Variants in GALNT13 observed in about 807,000 individuals in gnomAD.
GALNT13 encodes the protein polypeptide N-acetylgalactosaminyltransferase 13.
Under a neutral mutation model 64.2 loss-of-function variants are expected in GALNT13, and 28 were observed. The ratio of observed to expected loss-of-function variants is 0.44; its 90% CI spans 0.32 to 0.60. The LOEUF (loss-of-function observed/expected upper bound fraction) is 0.60, where lower values mean the gene tolerates loss of function less well. Among genes scored for constraint, GALNT13 ranks in the 20% least tolerant of loss-of-function variants. The pLI is 0.05. For synonymous variants in GALNT13, 214 were observed against 224.6 expected, an observed-to-expected ratio of 0.95 and a Z score of 0.42; for missense variants, 577 against 669.8, an observed-to-expected ratio of 0.86 and a Z score of 1.53.
At chr2:154,356,870 T>C (rs1696780476) in intron 9 of GALNT13, among the ~76,000 whole-genome samples, 1 of 152,028 alleles carries the variant, frequency 6.6e-6, no homozygotes, top group Admixed American at 6.6e-5. Flanking sequence ...AACCATGTAC[T>C]ACCTATAGTT....
At chr2:153,415,060 C>A in the GALNT13 span, among the ~76,000 whole-genome samples, 1 of 151,952 alleles carries the variant, frequency 6.6e-6, no homozygotes, top group African/African-American at 2.4e-5. Flanking sequence ...ATTATTTAGT[C>A]TTGGTTTCTT....
the GALNT13 span, among the ~76,000 whole-genome samples, chr2:153,181,699 A>T: frequency 6.9e-6 from 1 of 145,760 alleles, no homozygotes; most frequent in Non-Finnish European, 1.5e-5. Flanking sequence ...ATATAATTAT[A>T]TTACATAAAT....
At chr2:153,157,982 G>A in the GALNT13 span, among the ~76,000 whole-genome samples, 1 of 151,954 alleles carries the variant, frequency 6.6e-6, no homozygotes, top group African/African-American at 2.4e-5. Context: ...TCATAAAATA[G>A]TTAAGAAAGT....
At chr2:154,456,512 A>G (rs138024994), downstream of GALNT13, among the ~76,000 whole-genome samples, 34 of 152,134 alleles carry the variant, frequency 2.2e-4, no homozygotes, top group East Asian at 6.4e-3. Flanking sequence ...CTTAACCTCC[A>G]TGTTTGTGGA....
rs796833629 is a variant in GALNT13, at chr2:154,325,199, C to G, written c.1156+23610C>G. The stretch of plus-strand genomic sequence containing the variant: ...CCAGTTTGAACAGGAACATCCTTAT[C>G]CCTGAACCTAAACCTATGCCTAAAA... On this transcript the variant is annotated intron_variant, in intron 9 of 12. Transcript: ENST00000392825. 2.0e-4 allele frequency among the ~76,000 whole-genome samples: 30 copies of G among 152,108 alleles called. 1 individual carries two copies. Among genetic ancestry groups the G allele is most frequent in the African/African-American group, 7.2e-4 (30 of 41,522 alleles).
chr2:153,964,453 C>T (rs10166644), intron 3 of GALNT13, among the ~76,000 whole-genome samples: 10,360 of 150,946 alleles, frequency 0.069, 765 homozygotes, highest in African/African-American at 0.19. Flanking sequence ...TGTCTCAAAG[C>T]AAAAAAAAGA....
At chr2:154,170,250 TACTC>T (rs1299117592) in intron 4 of GALNT13, among the ~76,000 whole-genome samples, 1 of 152,172 alleles carries the variant, frequency 6.6e-6, no homozygotes, top group East Asian at 1.9e-4. Flanking sequence ...GGATCTTCCT[TACTC>T]AGTCCACTGA....
At chr2:153,653,790 C>T in the GALNT13 span, among the ~76,000 whole-genome samples, 1,516 of 152,070 alleles carry the variant, frequency 1.0e-2, 29 homozygotes, top group African/African-American at 0.034. Flanking sequence ...TTCTGCCTAT[C>T]TTATATGAAT....
intron 8 of GALNT13, among the ~76,000 whole-genome samples, chr2:154,274,361 A>G (rs370870433): frequency 6.6e-6 from 1 of 152,296 alleles, no homozygotes; most frequent in South Asian, 2.1e-4. Flanking sequence ...GAAAAGAAGC[A>G]GAAAAGCATG....
the GALNT13 span, among the ~76,000 whole-genome samples, chr2:153,720,166 C>G: frequency 1.1e-4 from 16 of 146,474 alleles, no homozygotes; most frequent in South Asian, 3.8e-3. Context: ...GACCCCCGAG[C>G]AGCCTAACTG....
At chr2:153,906,004 A>T (rs1302349857) in intron 2 of GALNT13, among the ~76,000 whole-genome samples, 1 of 151,886 alleles carries the variant, frequency 6.6e-6, no homozygotes, top group Non-Finnish European at 1.5e-5. Context: ...GAGCCATGGG[A>T]AATTTCATCA....
intron 3 of GALNT13, among the ~76,000 whole-genome samples, chr2:154,032,022 A>C (rs2105307954): frequency 6.6e-6 from 1 of 152,016 alleles, no homozygotes; most frequent in African/African-American, 2.4e-5. Flanking sequence ...TCAGAACAGA[A>C]AAAAACTAAA....
the GALNT13 span, among the ~76,000 whole-genome samples, chr2:153,692,586 G>A: frequency 6.6e-6 from 1 of 152,132 alleles, no homozygotes; most frequent in Non-Finnish European, 1.5e-5. Flanking sequence ...TCTAGTTCCT[G>A]TTAGACAGTT....
At chr2:153,318,237 T>G in the GALNT13 span, among the ~76,000 whole-genome samples, 1 of 151,770 alleles carries the variant, frequency 6.6e-6, no homozygotes, top group East Asian at 1.9e-4. Flanking sequence ...GCTTGGAAAT[T>G]CAGCTCCTCT....
At chr2:154,045,585 A>G (rs1699235735) in intron 3 of GALNT13, among the ~76,000 whole-genome samples, 1 of 152,148 alleles carries the variant, frequency 6.6e-6, no homozygotes, top group Non-Finnish European at 1.5e-5. Context: ...ACAGCTCTGG[A>G]CGCAAGTGTT....
intron 11 of GALNT13, among the ~76,000 whole-genome samples, chr2:154,430,273 T>C (rs1700653287): frequency 6.6e-6 from 1 of 152,174 alleles, no homozygotes. Flanking sequence ...GTAAATAACA[T>C]TTGTGATTCA....
the GALNT13 span, among the ~76,000 whole-genome samples, chr2:153,568,098 T>G: frequency 2.0e-5 from 3 of 152,256 alleles, no homozygotes; most frequent in Non-Finnish European, 2.9e-5. Flanking sequence ...AATAATAGAT[T>G]GAGCTCTGAA....
the GALNT13 span, among the ~76,000 whole-genome samples, chr2:153,786,765 C>G: frequency 6.6e-6 from 1 of 152,072 alleles, no homozygotes; most frequent in Non-Finnish European, 1.5e-5. Context: ...AGCCCCTCTG[C>G]CACTGCCACT....
chr2:153,419,167 GT>G, the GALNT13 span, among the ~76,000 whole-genome samples: 1 of 152,180 alleles, frequency 6.6e-6, no homozygotes, highest in Non-Finnish European at 1.5e-5. Context: ...TACAATCATG[GT>G]GGAAGAGAAA....
Sources: allele counts gnomAD v4.1 joint callset (sites outside exome capture counted in the v4.1 genomes callset), GRCh38; gene constraint gnomAD v4.1.1; transcripts MANE v1.5; gene names NCBI Gene and HGNC (gene_info 2026-07-23, HGNC 2026-07-21).